Variants in RABGGTA observed in about 807,000 individuals in gnomAD.
RABGGTA encodes Rab geranylgeranyltransferase subunit alpha.
RABGGTA carries 69 observed loss-of-function variants against 83.3 expected under a neutral mutation model. The ratio of observed to expected loss-of-function variants is 0.83; its 90% CI spans 0.68 to 1.01. The LOEUF is 1.01. RABGGTA is among the 50% of genes least tolerant of loss of function. The pLI is 0.00. For missense variants in RABGGTA, 681 were observed against 712.7 expected (o/e 0.96, Z 0.51); for synonymous variants, 310 against 299.8 (o/e 1.03, Z -0.35).
At position 24,269,001 on chromosome 14, in the gene RABGGTA, G is replaced by A; in HGVS notation, c.716-8C>T. 1 of 1,580,600 alleles carries A rather than the reference G, an allele frequency of 6.3e-7. No homozygotes were observed. The highest frequency in any genetic ancestry group is 1.2e-5 in the South Asian group (1 of 86,174). On this transcript the variant is annotated splice_region_variant and splice_polypyrimidine_tract_variant and intron_variant, in intron 7 of 16. Transcript: ENST00000216840. ...GTGCATCCTGGGGGTCAGCTGCGGG[G>A]AGACAGTGTCAGATTTCTTTAAACC...
intron 3 of RABGGTA, 132 bp downstream of exon 3, chr14:24,270,705 C>A: frequency 7.4e-7 from 1 of 1,354,614 alleles, no homozygotes; most frequent in South Asian, 1.4e-5. Context: ...AGCAACTTGC[C>A]CAAAGTCATA....
chr14:24,269,061 C>A lies in RABGGTA; in HGVS notation c.715+19G>T. ...TCCTATTAAGCGCTAAACACCCAGCCCCTTTCCTCATTGCTCACCTCGGCC... is the reference window on the plus strand; with the variant it reads ...TCCTATTAAGCGCTAAACACCCAGCACCTTTCCTCATTGCTCACCTCGGCC... On this transcript the variant is annotated intron_variant, in intron 7 of 16. Coordinates refer to ENST00000216840, the MANE Select transcript of RABGGTA (RefSeq NM_182836.3). The A allele has an allele frequency of 6.3e-7, 1 of 1,598,210 alleles. No individual in the cohort carries two copies. The highest frequency in any genetic ancestry group is 8.5e-7 in the Non-Finnish European group (1 of 1,172,032).
chr14:24,268,485 C>T (rs1013066914), intron 10 of RABGGTA, 29 bp downstream of exon 10: 1 of 1,613,608 alleles, frequency 6.2e-7, no homozygotes, highest in African/African-American at 1.3e-5. Flanking sequence ...GGGGCTGCTG[C>T]AAGGGGTGGA....
At chr14:24,267,203 G>A (rs1393558788) in intron 14 of RABGGTA, among the ~76,000 whole-genome samples, 2 of 152,172 alleles carry the variant, frequency 1.3e-5, no homozygotes, top group African/African-American at 2.4e-5. Flanking sequence ...TGGTCCTGAT[G>A]AGGCAGAGAT....
At chr14:24,267,462 C>G (rs534577943) in intron 14 of RABGGTA, among the ~76,000 whole-genome samples, 198 bp downstream of exon 14, 1 of 151,878 alleles carries the variant, frequency 6.6e-6, no homozygotes, top group Non-Finnish European at 1.5e-5. Flanking sequence ...CCTGGTGACT[C>G]GGGATTTGAA....
Position 24,268,963 on chromosome 14 carries a change from T to G in RABGGTA, c.746A>C (p.His249Pro), listed in dbSNP as rs1340114707. ...CAGACAGGCCTCGTCCCGGCTCACA[T>G]GCAGGCAGCGCAGTGCATCCTGGGG... ...ADPQDALRCL[H>P]VSRDEACLTV... is the part of the protein sequence containing the mutation. The change falls in exon 8 of 17, where the codon CAT (histidine) becomes CCT (proline). Residue 249 changes from histidine to proline, a missense_variant. By Grantham distance (77) the His-to-Pro change is moderately conservative. Around this residue, in one of 5 missense-constraint regions of RABGGTA, gnomAD observed 421 missense variants for 418.5 expected, o/e 1.01. Coordinates refer to ENST00000216840, the MANE Select transcript of RABGGTA (RefSeq NM_182836.3). 6.3e-7 allele frequency: 1 copy of G among 1,588,688 alleles called. No individual in the cohort carries two copies. The highest frequency in any genetic ancestry group is 8.6e-7 in the Non-Finnish European group (1 of 1,166,754).
In RABGGTA at chr14:24,270,351, C is replaced by T; in HGVS notation, c.222G>A (p.Gln74=). The part of the protein sequence containing the change: ...TLWNCRREVL[Q]QLETQKSPEE... ...CTACGCACTTCTGAGTCTCCAGCTG[C>T]TGGAGCACCTCTCGTCGGCAGTTCC... is the stretch of plus-strand genomic sequence containing the variant. The change falls in exon 4 of 17, where the codon CAG becomes CAA. Residue 74 remains glutamine, a synonymous_variant. Transcript: ENST00000216840. 6.2e-7 allele frequency: 1 copy of T among 1,611,526 alleles called. No homozygotes were observed. The highest frequency in any genetic ancestry group is 1.1e-5 in the South Asian group (1 of 90,664).
intron 3 of RABGGTA, 47 bp from the exon 4 acceptor site, chr14:24,270,505 A>T (rs1006531950): frequency 3.7e-5 from 59 of 1,608,200 alleles, no homozygotes; most frequent in Non-Finnish European, 4.9e-5. Flanking sequence ...TTTTCCCACT[A>T]CAGGACTAAA....
At chr14:24,268,056 A>G in intron 12 of RABGGTA, 54 bp downstream of exon 12, 2 of 1,607,572 alleles carry the variant, frequency 1.2e-6, no homozygotes, top group Non-Finnish European at 1.7e-6. Flanking sequence ...CCACACTGGA[A>G]AGGGGTTTCC....
chr14:24,270,575 T>C (rs992495700), intron 3 of RABGGTA, 117 bp from the exon 4 acceptor site: 1 of 1,356,158 alleles, frequency 7.4e-7, no homozygotes, highest in Non-Finnish European at 1.0e-6. Flanking sequence ...ACAGGTACTA[T>C]GAACCATGCT....
At chr14:24,268,259 T>A in intron 11 of RABGGTA, 61 bp from the exon 12 acceptor site, 1 of 1,604,760 alleles carries the variant, frequency 6.2e-7, no homozygotes, top group South Asian at 1.1e-5. Context: ...TGGTCAACAT[T>A]CCCAGTATCT....
chr14:24,269,039 T>C (rs774307251), intron 7 of RABGGTA, 41 bp downstream of exon 7: 24 of 1,584,212 alleles, frequency 1.5e-5, no homozygotes, highest in South Asian at 1.1e-4. Context: ...CTCCCATTCC[T>C]ATTAAGCGCT....
At position 24,268,553 on chromosome 14, in the gene RABGGTA, T is replaced by C; in HGVS notation, c.967A>G (p.Thr323Ala). The C allele has an allele frequency of 6.2e-7, 1 of 1,614,022 alleles. No homozygotes were observed. Among genetic ancestry groups the C allele is most frequent in the Non-Finnish European group, 8.5e-7 (1 of 1,179,906 alleles). ...LPQHTFRVIWTAGDVQKECVL... is the reference protein window; with the variant it reads ...LPQHTFRVIWAAGDVQKECVL... ...CATTCTTTCTGGACATCGCCTGCTGTCCAAATGACGCGAAATGTATGTTGG... is the reference window on the plus strand; with the variant it reads ...CATTCTTTCTGGACATCGCCTGCTGCCCAAATGACGCGAAATGTATGTTGG... The change falls in exon 10 of 17, where the codon ACA (threonine) becomes GCA (alanine). Residue 323 changes from threonine to alanine, a missense_variant. Transcript: ENST00000216840.
chr14:24,269,026 C>T, intron 7 of RABGGTA, 33 bp from the exon 8 acceptor site: 2 of 1,576,760 alleles, frequency 1.3e-6, no homozygotes, highest in Admixed American at 1.8e-5. Flanking sequence ...TTCTTTAAAC[C>T]CTCTCCCATT....
Position 24,270,023 on chromosome 14 carries a change from G to A in RABGGTA, c.357C>T (p.Arg119=). The part of the protein sequence containing the change: ...TWHHRCWLLG[R]LPEPNWTREL... ...CTCGGGTCCAGTTGGGCTCAGGCAG[G>A]CGGCCTAGCAGCCAGCATCGGTGGT... is the stretch of plus-strand genomic sequence containing the variant. Residue 119 remains arginine (R), a synonymous_variant, in exon 5 of 17, where the codon CGC becomes CGT. Transcript: ENST00000216840. The A allele has an allele frequency of 6.2e-7, 1 of 1,613,658 alleles. No homozygotes were observed. Among genetic ancestry groups the A allele is most frequent in the Non-Finnish European group, 8.5e-7 (1 of 1,179,776 alleles).
chr14:24,266,138 T>C (rs2040870452), intron 16 of RABGGTA, among the ~76,000 whole-genome samples: 1 of 152,188 alleles, frequency 6.6e-6, no homozygotes, highest in Non-Finnish European at 1.5e-5. Context: ...ACTCTAGATG[T>C]TTTTTAAAGT....
rs777499197 is a variant in RABGGTA at position 24,269,976 on chromosome 14, A to G, written c.404T>C (p.Phe135Ser). The G allele has an allele frequency of 4.3e-6, 7 of 1,613,706 alleles. No homozygotes were observed. Among genetic ancestry groups the G allele is most frequent in the East Asian group, 2.2e-5 (1 of 44,856 alleles). ...WTRELELCAR[F>S]LEVDERNFHC... ...ACAGTTCCGCTCATCCACCTCCAGG[A>G]AACGGGCACAGAGCTCCAGCTCTCG... is the stretch of plus-strand genomic sequence containing the variant. The change falls in exon 5 of 17, where the codon TTC becomes TCC. Residue 135 changes from phenylalanine (F) to serine (S), a missense_variant. Transcript: ENST00000216840.
chr14:24,269,226 ACACC>A, intron 6 of RABGGTA, 63 bp from the exon 7 acceptor site: 1 of 1,445,208 alleles, frequency 6.9e-7, no homozygotes, highest in Non-Finnish European at 9.6e-7. Context: ...GGCCACTCCA[ACACC>A]CTACCCTCTC....
At position 24,268,756 on chromosome 14, in the gene RABGGTA, G is replaced by A. The variant is rs1284578605; in HGVS notation, c.869C>T (p.Pro290Leu). The change falls in exon 9 of 17, where the codon CCA becomes CTA. Residue 290 changes from proline (P) to leucine (L), a missense_variant. Pro to Leu is a moderately conservative substitution (Grantham distance 98, BLOSUM62 -3). Around this residue, in one of 5 missense-constraint regions of RABGGTA, gnomAD observed 421 missense variants for 418.5 expected, o/e 1.01. Coordinates refer to ENST00000216840, the MANE Select transcript of RABGGTA (RefSeq NM_182836.3). ...ATGGCTGGGCCGGTTCCTGCCATCT[G>A]GGGTCCTCCACTCCACAATCAGGGG... ...DSPLIVEWRT[P>L]DGRNRPSHVW... 1.3e-6 allele frequency: 2 copies of A among 1,585,522 alleles called. No individual in the cohort carries two copies. Among genetic ancestry groups the A allele is most frequent in the Non-Finnish European group, 1.7e-6 (2 of 1,166,058 alleles).
Sources: allele counts gnomAD v4.1 joint callset (sites outside exome capture counted in the v4.1 genomes callset), GRCh38; gene constraint gnomAD v4.1.1; regional missense constraint gnomAD v4.1.1; transcripts MANE v1.5; gene names NCBI Gene and HGNC (gene_info 2026-07-23, HGNC 2026-07-21).